PSG6: variants seen among roughly 807,000 people sequenced by gnomAD.
The protein encoded by PSG6 is pregnancy-specific beta-1-glycoprotein 6.
PSG6 carries 51 observed loss-of-function variants against 43.3 expected under a neutral mutation model. The ratio of observed to expected loss-of-function variants is 1.18; its 90% CI spans 0.94 to 1.49. PSG6 has a LOEUF of 1.49. Ranked by LOEUF, PSG6 falls within the 40% of genes most tolerant of loss-of-function variation. The pLI is 0.00. For synonymous variants in PSG6, 292 were observed against 197.6 expected (o/e 1.48, Z -4.01); for missense variants, 770 against 522.2 (o/e 1.47, Z -4.62).
Position 42,907,857 on chromosome 19 carries a change from G to A in PSG6, c.707-3C>T, listed in dbSNP as rs761974675. 6.8e-6 allele frequency: 11 copies of A among 1,610,506 alleles called. 1 individual carries two copies. The highest frequency in any genetic ancestry group is 6.6e-5 in the South Asian group (6 of 90,760). On this transcript the variant is annotated splice_region_variant and splice_polypyrimidine_tract_variant and intron_variant, in intron 3 of 5. Coordinates refer to ENST00000187910, the MANE Select transcript of PSG6 (RefSeq NM_001031850.4). Reference sequence around the variant, plus strand: ...GATGTAAGGCATGGGCAGCTTCGCTGTGTGGATAACAGAAGATTGTCCTGT... The same window carrying A: ...GATGTAAGGCATGGGCAGCTTCGCTATGTGGATAACAGAAGATTGTCCTGT...
chr19:42,904,623 G>C (rs1254557417), intron 5 of PSG6, among the ~76,000 whole-genome samples: 5 of 151,630 alleles, frequency 3.3e-5, no homozygotes, highest in Non-Finnish European at 7.4e-5. Flanking sequence ...ACAAAGTATT[G>C]CTGAAAGAAA....
chr19:42,913,298 C>T (rs1203590994), intron 2 of PSG6, among the ~76,000 whole-genome samples: 1 of 151,504 alleles, frequency 6.6e-6, no homozygotes, highest in Non-Finnish European at 1.5e-5. Context: ...CTACAGGTGA[C>T]CACCACCATG....
At position 42,906,902 on chromosome 19, in the gene PSG6, G is replaced by C. The variant is rs748307582; in HGVS notation, c.1240+20C>G. On this transcript the variant is annotated intron_variant, in intron 5 of 5. Coordinates refer to ENST00000187910, the MANE Select transcript of PSG6 (RefSeq NM_001031850.4). ...ACTCCACCTAAAACCCTATTGCCAA[G>C]GATGCTGGGATCCACTTACCAGAGA... 15 of 1,612,068 alleles carry C rather than the reference G, an allele frequency of 9.3e-6. No homozygotes were observed. The highest frequency in any genetic ancestry group is 1.3e-5 in the Non-Finnish European group (15 of 1,179,024).
chr19:42,906,618 C>T (rs1972116479), intron 5 of PSG6: 1 of 1,364,512 alleles, frequency 7.3e-7, no homozygotes. Context: ...CGAGAAGCAA[C>T]TTGATCTTGA....
chr19:42,902,831 T>C (rs1972056589), intron 5 of PSG6, among the ~76,000 whole-genome samples: 1 of 151,578 alleles, frequency 6.6e-6, no homozygotes, highest in Non-Finnish European at 1.5e-5. Context: ...CTTGATTCTT[T>C]GCACTTAGCT....
intron 4 of PSG6, 119 bp downstream of exon 4, chr19:42,907,457 T>A: frequency 1.3e-6 from 2 of 1,544,466 alleles, no homozygotes; most frequent in Non-Finnish European, 1.7e-6. Context: ...CATGGCCAGG[T>A]CTGATGTCCA....
At chr19:42,916,055 C>T (rs1428812765) in intron 2 of PSG6, 70 bp downstream of exon 2, 5 of 1,598,548 alleles carry the variant, frequency 3.1e-6, no homozygotes, top group Admixed American at 1.7e-5. Flanking sequence ...CCAGGCCTGA[C>T]AATTCTGTGT....
chr19:42,904,333 A>G (rs951557699), intron 5 of PSG6, among the ~76,000 whole-genome samples: 5 of 151,664 alleles, frequency 3.3e-5, no homozygotes, highest in African/African-American at 9.7e-5. Context: ...AAAGACATTC[A>G]AATTGGAAGG....
rs375879496 is a variant in PSG6, at chr19:42,917,745, C to T, written c.48G>A (p.Lys16=). The T allele has an allele frequency of 9.3e-6, 15 of 1,610,190 alleles. No individual in the cohort carries two copies. The African/African-American group carries it at 9.4e-5, about 10-fold the overall frequency. ...APPCTQHITW[K]GLLLTASLLN... ...TCTCCTCACCTGTGAGCAGGAGCCCCTTCCAGGTGATGTGCTGAGTGCAGG... is the reference window on the plus strand; with the variant it reads ...TCTCCTCACCTGTGAGCAGGAGCCCTTTCCAGGTGATGTGCTGAGTGCAGG... The change falls in exon 1 of 6, where the codon AAG becomes AAA. Residue 16 remains lysine, a synonymous_variant. Transcript: ENST00000187910.
At chr19:42,903,606 G>A in intron 5 of PSG6, 6 of 1,407,410 alleles carry the variant, frequency 4.3e-6, no homozygotes, top group Non-Finnish European at 5.6e-6. Context: ...AAATGAAAAT[G>A]GACTCTGAGC....
intron 5 of PSG6, among the ~76,000 whole-genome samples, chr19:42,904,705 A>T (rs1381439481): frequency 1.3e-5 from 2 of 151,696 alleles, no homozygotes; most frequent in African/African-American, 4.8e-5. Context: ...TGTTAGGAGG[A>T]CAGTGCTGCC....
intron 2 of PSG6, among the ~76,000 whole-genome samples, chr19:42,911,422 C>T (rs144569729): frequency 0.024 from 3,611 of 151,578 alleles, 201 homozygotes; most frequent in African/African-American, 0.083. Context: ...GTTCAGTCAT[C>T]AGGCAGTGGA....
At chr19:42,908,815 C>T (rs1972166741) in intron 3 of PSG6, among the ~76,000 whole-genome samples, 1 of 151,670 alleles carries the variant, frequency 6.6e-6, no homozygotes, top group Non-Finnish European at 1.5e-5. Context: ...TCTCTGATTC[C>T]ATGGGTTCCA....
chr19:42,915,929 T>A (rs1972316387), intron 2 of PSG6, 196 bp downstream of exon 2: 2 of 838,198 alleles, frequency 2.4e-6, no homozygotes, highest in Non-Finnish European at 3.5e-6. Flanking sequence ...GTCTGCAGGG[T>A]CTGGATGCGG....
At chr19:42,904,151 C>T (rs1346876984) in intron 5 of PSG6, among the ~76,000 whole-genome samples, 5 of 151,516 alleles carry the variant, frequency 3.3e-5, no homozygotes, top group African/African-American at 4.9e-5. Flanking sequence ...AAGGCAACCA[C>T]CTCAACATAA....
intron 5 of PSG6, among the ~76,000 whole-genome samples, chr19:42,906,154 T>C (rs1972108095): frequency 6.6e-6 from 1 of 151,628 alleles, no homozygotes. Flanking sequence ...ATCTCCCTAT[T>C]TCTCTAGCTC....
intron 5 of PSG6, among the ~76,000 whole-genome samples, chr19:42,903,281 G>A (rs1217434075): frequency 6.6e-6 from 1 of 151,614 alleles, no homozygotes; most frequent in Non-Finnish European, 1.5e-5. Context: ...TGAGGAATCA[G>A]GGGTTCAGAG....
At chr19:42,906,423 C>T (rs1194573622) in intron 5 of PSG6, among the ~76,000 whole-genome samples, 2 of 151,518 alleles carry the variant, frequency 1.3e-5, no homozygotes, top group African/African-American at 2.4e-5. Context: ...CCAGGCCAGT[C>T]ACCAGAGGAG....
chr19:42,917,363 C>CTTT (rs35188962), intron 1 of PSG6, among the ~76,000 whole-genome samples: 5 of 123,340 alleles, frequency 4.1e-5, no homozygotes, highest in Admixed American at 1.7e-4. Flanking sequence ...TCTTTTTATT[C>CTTT]TTTTTTTTTT....
Sources: gnomAD v4.1 joint callset for allele counts (sites outside exome capture counted in the v4.1 genomes callset) on GRCh38, gnomAD v4.1.1 for gene constraint, MANE v1.5 for transcripts, NCBI Gene and HGNC (gene_info 2026-07-23, HGNC 2026-07-21) for gene names.